APBA1: variants seen among roughly 807,000 people sequenced by gnomAD.
APBA1 encodes the protein amyloid-beta A4 precursor protein-binding family A member 1.
A neutral mutation model predicts 86.6 loss-of-function variants in APBA1; 55 were observed. The observed-to-expected ratio is 0.64, with a 90% CI of 0.51 to 0.80. The LOEUF is 0.80. APBA1 is among the 30% of genes least tolerant of loss of function. The pLI is 0.00. For synonymous variants in APBA1, 511 were observed against 493.9 expected (o/e 1.03, Z -0.46); for missense variants, 1,090 against 1,183.0 (o/e 0.92, Z 1.15).
intron 1 of APBA1, among the ~76,000 whole-genome samples, chr9:69,565,683 G>A (rs571670469): frequency 4.6e-5 from 7 of 152,116 alleles, no homozygotes; most frequent in African/African-American, 1.7e-4. Flanking sequence ...TATTCTCCGC[G>A]TCCAGTCAAT....
chr9:69,459,264 G>A (rs143347170), intron 5 of APBA1, among the ~76,000 whole-genome samples: 14 of 152,326 alleles, frequency 9.2e-5, no homozygotes, highest in East Asian at 1.9e-4. Flanking sequence ...TATGCATTCC[G>A]TAGTTGTTAG....
chr9:69,604,480 G>A (rs1248463175), intron 1 of APBA1, among the ~76,000 whole-genome samples: 3 of 149,488 alleles, frequency 2.0e-5, no homozygotes, highest in East Asian at 2.0e-4. Flanking sequence ...ACACACATGA[G>A]GGTAAGTGGA....
chr9:69,471,405 G>A (rs1835364150), intron 4 of APBA1, among the ~76,000 whole-genome samples: 1 of 152,150 alleles, frequency 6.6e-6, no homozygotes, highest in Non-Finnish European at 1.5e-5. Flanking sequence ...ATGACACTGG[G>A]TAAAGCCCAC....
chr9:69,459,868 T>C (rs576697544), intron 5 of APBA1, among the ~76,000 whole-genome samples: 148 of 152,366 alleles, frequency 9.7e-4, no homozygotes, highest in African/African-American at 3.3e-3. Flanking sequence ...AAGCACTATA[T>C]TTGTGTTTGC....
rs951156535 is a variant in APBA1 at position 69,452,241 on chromosome 9, T to C, written c.1849A>G (p.Arg617Gly). 6.2e-7 allele frequency: 1 copy of C among 1,614,210 alleles called. No homozygotes were observed. Among genetic ancestry groups the C allele is most frequent in the East Asian group, 2.2e-5 (1 of 44,878 alleles). Residue 617 changes from arginine to glycine, a missense_variant, in exon 9 of 13, where the codon AGG (arginine) becomes GGG (glycine). By Grantham distance (125) the Arg-to-Gly change is moderately radical. Transcript: ENST00000265381. ...TCTTCGGGGTTAATCCCATTGGCCC[T>C]GAGGAATTCCTGGTATGCCACGCTA... ...AFSVAYQEFLRANGINPEDLS... is the reference protein window; with the variant it reads ...AFSVAYQEFLGANGINPEDLS...
Position 69,580,193 on chromosome 9 carries a change from G to A in APBA1, c.-69-62914C>T, listed in dbSNP as rs144186258. On this transcript the variant is annotated intron_variant, in intron 1 of 12. Coordinates refer to ENST00000265381, the MANE Select transcript of APBA1 (RefSeq NM_001163.4). The stretch of plus-strand genomic sequence containing the variant: ...TTTTGCTTGCCAAACGTTATTGATT[G>A]GTTGCAGCTGCCAGAAGCCTTCTAT... Among the ~76,000 whole-genome samples the A allele has an allele frequency of 1.9e-3, 288 of 152,284 alleles. 1 individual carries two copies. The highest frequency in any genetic ancestry group is 0.015 in the East Asian group (79 of 5,186).
At chr9:69,659,020 T>C (rs917363178) in intron 1 of APBA1, among the ~76,000 whole-genome samples, 1 of 152,142 alleles carries the variant, frequency 6.6e-6, no homozygotes, top group Admixed American at 6.5e-5. Flanking sequence ...ACTTGACTTC[T>C]TCCCCTTCCC....
intron 1 of APBA1, among the ~76,000 whole-genome samples, chr9:69,662,925 T>C (rs542272252): frequency 2.2e-4 from 33 of 152,330 alleles, no homozygotes; most frequent in African/African-American, 6.0e-4. Context: ...GGAAACAAAA[T>C]GTCTACTCAA....
chr9:69,572,096 T>G (rs1837123191), intron 1 of APBA1, among the ~76,000 whole-genome samples: 1 of 152,236 alleles, frequency 6.6e-6, no homozygotes, highest in African/African-American at 2.4e-5. Flanking sequence ...TGATTTATTT[T>G]TTAAATTCTA....
intron 11 of APBA1, among the ~76,000 whole-genome samples, chr9:69,436,195 T>C (rs1273018641): frequency 2.0e-5 from 3 of 150,024 alleles, no homozygotes; most frequent in Non-Finnish European, 1.5e-5. Context: ...TGTAGTATAG[T>C]TTGAAGTCAG....
At chr9:69,667,594 A>C (rs1219469668) in intron 1 of APBA1, among the ~76,000 whole-genome samples, 2 of 149,462 alleles carry the variant, frequency 1.3e-5, no homozygotes, top group Non-Finnish European at 3.0e-5. Flanking sequence ...CATCTTCTTG[A>C]AGACTTAATT....
chr9:69,599,866 A>AC (rs2133972556), intron 1 of APBA1, among the ~76,000 whole-genome samples: 1 of 152,302 alleles, frequency 6.6e-6, no homozygotes, highest in African/African-American at 2.4e-5. Context: ...AAGGGAGAGG[A>AC]CGATCAGGAG....
intron 1 of APBA1, among the ~76,000 whole-genome samples, chr9:69,534,542 G>C (rs887986522): frequency 1.6e-4 from 25 of 152,104 alleles, no homozygotes; most frequent in African/African-American, 6.0e-4. Context: ...GTTCCAACCA[G>C]AAATGACCTG....
chr9:69,660,186 T>C (rs1376773863), intron 1 of APBA1, among the ~76,000 whole-genome samples: 3 of 152,270 alleles, frequency 2.0e-5, no homozygotes, highest in Non-Finnish European at 4.4e-5. Context: ...TCTATACTTA[T>C]TAAGAAGAAA....
intron 1 of APBA1, among the ~76,000 whole-genome samples, chr9:69,590,175 T>C (rs1822103252): frequency 6.6e-6 from 1 of 152,214 alleles, no homozygotes; most frequent in Non-Finnish European, 1.5e-5. Flanking sequence ...GTACTATCAA[T>C]GTTTCTCCCT....
At chr9:69,566,031 T>C (rs1238550768) in intron 1 of APBA1, among the ~76,000 whole-genome samples, 1 of 152,178 alleles carries the variant, frequency 6.6e-6, no homozygotes, top group Admixed American at 6.5e-5. Context: ...TATTCCCAGC[T>C]TCAGAACTCC....
chr9:69,634,979 G>A (rs1225920990), intron 1 of APBA1, among the ~76,000 whole-genome samples: 1 of 151,980 alleles, frequency 6.6e-6, no homozygotes, highest in Non-Finnish European at 1.5e-5. Flanking sequence ...GATAAAGAAA[G>A]TACTTCAGTC....
intron 1 of APBA1, among the ~76,000 whole-genome samples, chr9:69,606,337 G>A (rs1411349180): frequency 1.3e-5 from 2 of 152,188 alleles, no homozygotes; most frequent in African/African-American, 2.4e-5. Flanking sequence ...CGTGGTGATA[G>A]GAACTTGATA....
intron 1 of APBA1, among the ~76,000 whole-genome samples, chr9:69,550,764 G>A (rs1836770805): frequency 6.6e-6 from 1 of 152,188 alleles, no homozygotes; most frequent in Non-Finnish European, 1.5e-5. Context: ...GGGAGAGTGA[G>A]CATGTAGTTA....
Sources: gnomAD v4.1 joint callset for allele counts (sites outside exome capture counted in the v4.1 genomes callset) on GRCh38, gnomAD v4.1.1 for gene constraint, MANE v1.5 for transcripts, NCBI Gene and HGNC (gene_info 2026-07-23, HGNC 2026-07-21) for gene names.